Variants in NPAT observed in about 807,000 individuals in gnomAD.
The protein encoded by NPAT is protein NPAT.
A neutral mutation model predicts 130.7 loss-of-function variants in NPAT; 52 were observed. That is an observed-to-expected ratio of 0.40 (90% CI 0.32 to 0.50). NPAT has a LOEUF of 0.50. Among genes scored for constraint, NPAT ranks in the 20% least tolerant of loss-of-function variants. The probability of loss-of-function intolerance (pLI) is 0.68; values close to 1 mark genes in which losing one functional copy is unlikely to be tolerated. For missense variants in NPAT, 1,687 were observed against 1,662.6 expected (o/e 1.01, Z -0.26); for synonymous variants, 580 against 584.8 (o/e 0.99, Z 0.12).
intron 1 of NPAT, among the ~76,000 whole-genome samples, chr11:108,218,944 CT>C (rs1427215449): frequency 6.6e-6 from 1 of 152,178 alleles, no homozygotes; most frequent in Non-Finnish European, 1.5e-5. Flanking sequence ...CAGAGCCATA[CT>C]TTTGCAAATG....
chr11:108,168,003 TGA>T (rs2077916326), intron 15 of NPAT, among the ~76,000 whole-genome samples: 1 of 152,174 alleles, frequency 6.6e-6, no homozygotes, highest in African/African-American at 2.4e-5. Context: ...AAGAATGATA[TGA>T]GATACTACCA....
chr11:108,168,629 G>GA (rs1231244215), intron 15 of NPAT, among the ~76,000 whole-genome samples: 1 of 152,028 alleles, frequency 6.6e-6, no homozygotes, highest in African/African-American at 2.4e-5. Context: ...AAGAATTAAA[G>GA]AAAAAAATAA....
At chr11:108,201,652 C>T (rs1591411241) in intron 1 of NPAT, among the ~76,000 whole-genome samples, 1 of 152,338 alleles carries the variant, frequency 6.6e-6, no homozygotes, top group Non-Finnish European at 1.5e-5. Flanking sequence ...CCAGAGGCCA[C>T]TAAGGTGACC....
chr11:108,193,905 G>T, intron 3 of NPAT, 52 bp downstream of exon 3: 1 of 1,042,482 alleles, frequency 9.6e-7, no homozygotes, highest in Non-Finnish European at 1.5e-6. Flanking sequence ...ACTAAATCAA[G>T]TAGATAAATA....
At chr11:108,195,171 CTG>C (rs1157560223) in intron 2 of NPAT, among the ~76,000 whole-genome samples, 5 of 152,260 alleles carry the variant, frequency 3.3e-5, no homozygotes, top group East Asian at 1.9e-4. Context: ...CTAGGTTTTT[CTG>C]TGAGAACAAG....
Position 108,172,402 on chromosome 11 carries a change from C to A in NPAT, c.2582G>T (p.Gly861Val). 1 of 1,614,188 alleles carries A rather than the reference C, an allele frequency of 6.2e-7. No individual in the cohort carries two copies. The highest frequency in any genetic ancestry group is 1.1e-5 in the South Asian group (1 of 91,074). Residue 861 changes from glycine to valine, a missense_variant, in exon 13 of 18, where the codon GGC becomes GTC. Transcript: ENST00000278612. ...AGCTATCAGAATGTTATTTGAATTG[C>A]CAAAAGCTGTGCTTGTGGCTGGCAT... ...QLMPATSTAF[G>V]NSNNILIATC...
chr11:108,217,428 A>C (rs951183563), intron 1 of NPAT, among the ~76,000 whole-genome samples: 2 of 152,224 alleles, frequency 1.3e-5, no homozygotes, highest in African/African-American at 4.8e-5. Flanking sequence ...GTGACCAAAA[A>C]TATGCTGAAG....
chr11:108,212,647 C>A (rs116047009), intron 1 of NPAT, among the ~76,000 whole-genome samples: 2,629 of 151,064 alleles, frequency 0.017, 68 homozygotes, highest in African/African-American at 0.059. Flanking sequence ...ACAACAACAA[C>A]AAAAAAACTA....
chr11:108,164,726 T>C (rs926484353), intron 15 of NPAT, among the ~76,000 whole-genome samples: 3 of 151,946 alleles, frequency 2.0e-5, no homozygotes, highest in African/African-American at 7.2e-5. Flanking sequence ...GTGGAAAGGA[T>C]CTAGGCCGGG....
At chr11:108,210,504 C>CCTCCAGAAGG (rs1307837612) in intron 1 of NPAT, among the ~76,000 whole-genome samples, 1 of 152,174 alleles carries the variant, frequency 6.6e-6, no homozygotes. Context: ...CTTCCCAAGG[C>CCTCCAGAAGG]CTCCAGAAGG....
intron 1 of NPAT, among the ~76,000 whole-genome samples, chr11:108,202,898 T>C (rs1424509378): frequency 6.6e-6 from 1 of 152,128 alleles, no homozygotes; most frequent in Admixed American, 6.5e-5. Context: ...AATGATGTAA[T>C]TATTCGTTTT....
chr11:108,192,923 C>A (rs1054633564), intron 3 of NPAT, among the ~76,000 whole-genome samples: 5 of 151,744 alleles, frequency 3.3e-5, no homozygotes, highest in Non-Finnish European at 7.4e-5. Context: ...CATTGCACTC[C>A]AGCCTGGGCA....
intron 15 of NPAT, among the ~76,000 whole-genome samples, chr11:108,164,021 C>T (rs2077877866): frequency 6.6e-6 from 1 of 152,050 alleles, no homozygotes; most frequent in African/African-American, 2.4e-5. Flanking sequence ...CTGCATTAAC[C>T]TTAGAAAGAA....
In NPAT at chr11:108,159,037, G is replaced by GA. The variant is rs2077821571; in HGVS notation, c.4207-19dup. The GA allele has an allele frequency of 1.9e-6, 3 of 1,568,142 alleles. No individual in the cohort carries two copies. The highest frequency in any genetic ancestry group is 2.6e-6 in the Non-Finnish European group (3 of 1,146,384). On this transcript the variant is annotated intron_variant, in intron 17 of 17. Transcript: ENST00000278612. ...TTCTTTTTCTGTTGAAAAAGAGAAAGAAAAAATAAACTCAAAACAAGGCCA... is the reference window on the plus strand; with the variant it reads ...TTCTTTTTCTGTTGAAAAAGAGAAAGAAAAAAATAAACTCAAAACAAGGCCA...
intron 15 of NPAT, among the ~76,000 whole-genome samples, chr11:108,162,841 A>G (rs550197106): frequency 1.3e-5 from 2 of 152,178 alleles, no homozygotes; most frequent in Non-Finnish European, 2.9e-5. Flanking sequence ...AACAGATTAT[A>G]TCTATTTTAA....
Position 108,188,144 on chromosome 11 carries a change from C to G in NPAT, c.592G>C (p.Glu198Gln), listed in dbSNP as rs1489451725. Reference sequence around the variant, plus strand: ...ATTAAACTGGCATGTGCTTTCTTTTCCTGAGCACCAGGAATGACATTTAAA... The same window carrying G: ...ATTAAACTGGCATGTGCTTTCTTTTGCTGAGCACCAGGAATGACATTTAAA... ...EALNVIPGAQEKKAHASLMSP... is the reference protein window; with the variant it reads ...EALNVIPGAQQKKAHASLMSP... Residue 198 changes from glutamate (E) to glutamine (Q), a missense_variant, in exon 7 of 18, where the codon GAA becomes CAA. Physicochemically the swap from Glu to Gln is conservative, Grantham distance 29. Transcript: ENST00000278612. The G allele has an allele frequency of 1.2e-6, 2 of 1,612,708 alleles. No homozygotes were observed. The highest frequency in any genetic ancestry group is 2.2e-5 in the East Asian group (1 of 44,770).
chr11:108,200,161 C>T (rs1026476651), intron 1 of NPAT, among the ~76,000 whole-genome samples: 2 of 152,158 alleles, frequency 1.3e-5, no homozygotes, highest in African/African-American at 4.8e-5. Flanking sequence ...GTTGTTTCCG[C>T]CCCCGCAATC....
chr11:108,167,616 C>A (rs2077913339), intron 15 of NPAT, among the ~76,000 whole-genome samples: 1 of 152,162 alleles, frequency 6.6e-6, no homozygotes, highest in Non-Finnish European at 1.5e-5. Flanking sequence ...AAACTGATTA[C>A]TTAATAATTA....
At chr11:108,218,685 AG>A (rs1251542823) in intron 1 of NPAT, among the ~76,000 whole-genome samples, 1 of 152,242 alleles carries the variant, frequency 6.6e-6, no homozygotes, top group Non-Finnish European at 1.5e-5. Flanking sequence ...ACCACTACTA[AG>A]CTTGGAAATT....
Sources: gnomAD v4.1 joint callset for allele counts (sites outside exome capture counted in the v4.1 genomes callset) on GRCh38, gnomAD v4.1.1 for gene constraint, MANE v1.5 for transcripts, NCBI Gene and HGNC (gene_info 2026-07-23, HGNC 2026-07-21) for gene names.